Variants in TMC1 observed in about 807,000 individuals in gnomAD.
TMC1 encodes transmembrane channel like 1, also known as transmembrane channel-like protein 1.
A neutral mutation model predicts 105.8 loss-of-function variants in TMC1; 84 were observed. The observed-to-expected ratio is 0.79, with a 90% CI of 0.67 to 0.95. The LOEUF is 0.95. TMC1 is among the 40% of genes least tolerant of loss of function. The pLI is 0.00. For synonymous variants in TMC1, 315 were observed against 311.5 expected (o/e 1.01, Z -0.12); for missense variants, 817 against 914.1 (o/e 0.89, Z 1.37).
chr9:72,661,768 A>C (rs942888132), intron 5 of TMC1, among the ~76,000 whole-genome samples: 1 of 152,262 alleles, frequency 6.6e-6, no homozygotes, highest in African/African-American at 2.4e-5. Flanking sequence ...AATTTTTGAA[A>C]TTAAATTACA....
At chr9:72,741,623 T>C (rs1456628497) in intron 9 of TMC1, 5 of 155,474 alleles carry the variant, frequency 3.2e-5, no homozygotes, top group Non-Finnish European at 5.7e-5. Context: ...TGTGTTTTGG[T>C]GGTGGTTCCA....
intron 12 of TMC1, among the ~76,000 whole-genome samples, chr9:72,762,678 A>G (rs1487656257): frequency 1.3e-5 from 2 of 152,180 alleles, no homozygotes; most frequent in Non-Finnish European, 2.9e-5. Context: ...CCCTAGTAGC[A>G]GAGATCATAA....
chr9:72,728,344 C>T (rs1297027649), intron 8 of TMC1, among the ~76,000 whole-genome samples: 1 of 152,116 alleles, frequency 6.6e-6, no homozygotes, highest in Non-Finnish European at 1.5e-5. Flanking sequence ...TCCTCTGGTG[C>T]CCTCTCTTGA....
intron 4 of TMC1, among the ~76,000 whole-genome samples, chr9:72,629,953 C>T (rs1007208980): frequency 6.6e-6 from 1 of 152,050 alleles, no homozygotes; most frequent in African/African-American, 2.4e-5. Context: ...GCAACCTTCA[C>T]CTCCTGGGTT....
chr9:72,768,486 T>A (rs910081928), intron 12 of TMC1, among the ~76,000 whole-genome samples: 42 of 152,248 alleles, frequency 2.8e-4, no homozygotes, highest in African/African-American at 9.6e-4. Context: ...AGTTAATTAA[T>A]TAAAAATAAA....
chr9:72,551,237 A>G (rs2132072102), intron 1 of TMC1, among the ~76,000 whole-genome samples: 1 of 152,314 alleles, frequency 6.6e-6, no homozygotes, highest in Middle Eastern at 3.4e-3. Context: ...GTAAGACAAT[A>G]CATTAGTGTT....
intron 7 of TMC1, among the ~76,000 whole-genome samples, chr9:72,695,089 AAAT>A (rs1826526972): frequency 6.6e-6 from 1 of 152,172 alleles, no homozygotes; most frequent in Non-Finnish European, 1.5e-5. Context: ...AGGGGTTGGA[AAAT>A]TATGGCTAAA....
At chr9:72,772,665 CAG>C (rs753609192) in intron 13 of TMC1, 110 bp downstream of exon 13, 16 of 1,399,758 alleles carry the variant, frequency 1.1e-5, no homozygotes, top group South Asian at 2.3e-5. Context: ...CTAAAGGAAA[CAG>C]AGTCTGTAAG....
chr9:72,669,888 A>T (rs988621474), intron 5 of TMC1, among the ~76,000 whole-genome samples: 3 of 152,216 alleles, frequency 2.0e-5, no homozygotes, highest in Non-Finnish European at 4.4e-5. Context: ...ACAACAAAGG[A>T]TAATGACCTC....
At chr9:72,674,669 T>C (rs1394040757) in intron 5 of TMC1, among the ~76,000 whole-genome samples, 3 of 152,200 alleles carry the variant, frequency 2.0e-5, no homozygotes, top group Non-Finnish European at 2.9e-5. Flanking sequence ...TCACAAGCTC[T>C]CCAGGTGATA....
intron 12 of TMC1, among the ~76,000 whole-genome samples, chr9:72,755,554 G>A (rs370522408): frequency 6.6e-6 from 1 of 152,120 alleles, no homozygotes; most frequent in East Asian, 1.9e-4. Context: ...ATGGAAAGGA[G>A]TTATTTCTGT....
chr9:72,710,868 G>A (rs1350528469), intron 8 of TMC1, among the ~76,000 whole-genome samples: 1 of 152,042 alleles, frequency 6.6e-6, no homozygotes, highest in Non-Finnish European at 1.5e-5. Flanking sequence ...ACATGCCATG[G>A]TGGTTTGCTG....
At chr9:72,777,813 T>C (rs1366846193) in intron 13 of TMC1, among the ~76,000 whole-genome samples, 1 of 152,218 alleles carries the variant, frequency 6.6e-6, no homozygotes, top group African/African-American at 2.4e-5. Flanking sequence ...TAAACAGTGA[T>C]AGAATAACAA....
At chr9:72,681,923 C>G (rs188270437) in intron 5 of TMC1, among the ~76,000 whole-genome samples, 1 of 152,076 alleles carries the variant, frequency 6.6e-6, no homozygotes, top group Admixed American at 6.6e-5. Context: ...AAGCAGACAT[C>G]AGCAGCTATT....
intron 5 of TMC1, among the ~76,000 whole-genome samples, chr9:72,681,907 T>A (rs1372855489): frequency 6.6e-6 from 1 of 152,110 alleles, no homozygotes; most frequent in Non-Finnish European, 1.5e-5. Flanking sequence ...TATTGTGTTT[T>A]TAATAAAGCA....
intron 2 of TMC1, among the ~76,000 whole-genome samples, chr9:72,601,188 A>G (rs989862379): frequency 3.1e-5 from 4 of 127,704 alleles, no homozygotes; most frequent in African/African-American, 1.3e-4. Context: ...ACACACACAC[A>G]CACACAGACA....
At chr9:72,715,275 T>A (rs1826898768) in intron 8 of TMC1, among the ~76,000 whole-genome samples, 1 of 152,180 alleles carries the variant, frequency 6.6e-6, no homozygotes, top group African/African-American at 2.4e-5. Context: ...CTTTGTGGTG[T>A]TCTCTGTATT....
chr9:72,761,906 T>G (rs930142922), intron 12 of TMC1, among the ~76,000 whole-genome samples: 4 of 152,248 alleles, frequency 2.6e-5, no homozygotes, highest in African/African-American at 9.6e-5. Flanking sequence ...GTTTTAGAAC[T>G]ATTTCAGTGG....
rs565085577 is a variant in TMC1, at chr9:72,692,455, G to A, written c.65-2088G>A. Among the ~76,000 whole-genome samples, 5 of 152,290 alleles carry A rather than the reference G, an allele frequency of 3.3e-5. No individual in the cohort carries two copies. In the South Asian group the frequency reaches 1.0e-3, roughly 32 times the overall value. On this transcript the variant is annotated intron_variant, in intron 6 of 23. Transcript: ENST00000297784. ...ACTAGTTTCCGAATTTCTCACGAAG[G>A]GAGCTTATCTCCACATTGTAGTTGA...
Sources: gnomAD v4.1 joint callset for allele counts (sites outside exome capture counted in the v4.1 genomes callset) on GRCh38, gnomAD v4.1.1 for gene constraint, MANE v1.5 for transcripts, NCBI Gene and HGNC (gene_info 2026-07-23, HGNC 2026-07-21) for gene names.